Variants in MSH3 observed in about 807,000 individuals in gnomAD.
MSH3 encodes the protein mutS homolog 3.
MSH3 carries 106 observed loss-of-function variants against 123.3 expected under a neutral mutation model. That is an observed-to-expected ratio of 0.86 (90% CI 0.73 to 1.01). The LOEUF (loss-of-function observed/expected upper bound fraction) is 1.01, where lower values mean the gene tolerates loss of function less well. Among genes scored for constraint, MSH3 ranks in the 50% least tolerant of loss-of-function variants. MSH3 has a pLI of 0.00. For synonymous variants in MSH3, 515 were observed against 481.4 expected (o/e 1.07, Z -0.91); for missense variants, 1,459 against 1,347.6 (o/e 1.08, Z -1.29).
At chr5:80,829,120 C>T (rs1005718437) in intron 20 of MSH3, among the ~76,000 whole-genome samples, 8 of 152,222 alleles carry the variant, frequency 5.3e-5, no homozygotes, top group African/African-American at 1.9e-4. Context: ...GCCCTCATCA[C>T]CCAATCACCT....
At chr5:80,778,605 C>A in intron 16 of MSH3, 115 bp from the exon 17 acceptor site, 1 of 744,426 alleles carries the variant, frequency 1.3e-6, no homozygotes. Flanking sequence ...CTGTTTACAG[C>A]TGTTTACTTT....
intron 2 of MSH3, among the ~76,000 whole-genome samples, chr5:80,658,033 C>CT (rs1749330161): frequency 2.1e-5 from 1 of 47,500 alleles, no homozygotes; most frequent in Admixed American, 2.0e-4. Flanking sequence ...ATGCTTTTTG[C>CT]CCTCTTTTTT....
chr5:80,830,234 G>A (rs1209715088), intron 20 of MSH3, among the ~76,000 whole-genome samples: 1 of 151,868 alleles, frequency 6.6e-6, no homozygotes, highest in African/African-American at 2.4e-5. Context: ...ACTGATTTCT[G>A]CTGTAATCTC....
chr5:80,809,279 C>T (rs1201797753), intron 19 of MSH3, among the ~76,000 whole-genome samples: 1 of 152,096 alleles, frequency 6.6e-6, no homozygotes, highest in Non-Finnish European at 1.5e-5. Context: ...AATGGAACCT[C>T]AGTCTTCTAA....
intron 22 of MSH3, among the ~76,000 whole-genome samples, chr5:80,866,442 T>A (rs1746099834): frequency 6.6e-6 from 1 of 152,214 alleles, no homozygotes; most frequent in African/African-American, 2.4e-5. Context: ...CCTAGCTGAT[T>A]TTAATTTTTA....
At chr5:80,788,367 G>A (rs1333536116) in intron 18 of MSH3, among the ~76,000 whole-genome samples, 1 of 152,148 alleles carries the variant, frequency 6.6e-6, no homozygotes, top group East Asian at 1.9e-4. Flanking sequence ...AACCCAGGAG[G>A]TGGAGGTTGC....
chr5:80,806,005 T>A (rs757949526), intron 19 of MSH3, among the ~76,000 whole-genome samples: 7 of 152,232 alleles, frequency 4.6e-5, no homozygotes, highest in Non-Finnish European at 1.0e-4. Context: ...TTTCAATCCC[T>A]GAGGTCTTAA....
At chr5:80,789,099 A>G (rs1019296675) in intron 18 of MSH3, among the ~76,000 whole-genome samples, 1 of 152,200 alleles carries the variant, frequency 6.6e-6, no homozygotes, top group African/African-American at 2.4e-5. Flanking sequence ...ATTTTGTTCC[A>G]AAGTGAAAAT....
chr5:80,755,790 A>G (rs1417042715), intron 12 of MSH3, among the ~76,000 whole-genome samples: 2 of 152,282 alleles, frequency 1.3e-5, no homozygotes, highest in East Asian at 1.9e-4. Flanking sequence ...TCTTGGGTCC[A>G]TTTAAGTTAG....
At chr5:80,698,793 G>C (rs1334488455) in intron 8 of MSH3, among the ~76,000 whole-genome samples, 1 of 151,092 alleles carries the variant, frequency 6.6e-6, no homozygotes, top group Non-Finnish European at 1.5e-5. Flanking sequence ...CACACACCGG[G>C]GGGCCTGTTG....
intron 2 of MSH3, among the ~76,000 whole-genome samples, chr5:80,661,039 T>C (rs1057261376): frequency 9.9e-5 from 15 of 152,236 alleles, no homozygotes; most frequent in African/African-American, 3.6e-4. Flanking sequence ...CCTCGTGATC[T>C]ACCCGCCTCG....
At chr5:80,694,986 G>T (rs913381657) in intron 8 of MSH3, among the ~76,000 whole-genome samples, 1 of 148,968 alleles carries the variant, frequency 6.7e-6, no homozygotes, top group Non-Finnish European at 1.5e-5. Context: ...GGTTCACTCA[G>T]CTTCTTGAAT....
At chr5:80,774,336 T>C (rs1025115288) in intron 15 of MSH3, among the ~76,000 whole-genome samples, 2 of 151,946 alleles carry the variant, frequency 1.3e-5, no homozygotes, top group African/African-American at 4.8e-5. Context: ...AAGGGAACTC[T>C]TGTACACTGT....
At chr5:80,662,840 A>AATT (rs34563417) in intron 2 of MSH3, among the ~76,000 whole-genome samples, 206 of 149,532 alleles carry the variant, frequency 1.4e-3, no homozygotes, top group Middle Eastern at 3.4e-3. Flanking sequence ...AAAAAAAAAA[A>AATT]TTTTATTTGG....
intron 4 of MSH3, among the ~76,000 whole-genome samples, chr5:80,670,851 G>A (rs557943003): frequency 6.6e-6 from 1 of 152,206 alleles, no homozygotes; most frequent in East Asian, 1.9e-4. Flanking sequence ...CAGGTGTGGT[G>A]GCTCATGCTT....
At chr5:80,804,651 G>T (rs955773857) in intron 19 of MSH3, among the ~76,000 whole-genome samples, 5 of 152,208 alleles carry the variant, frequency 3.3e-5, no homozygotes, top group Non-Finnish European at 7.3e-5. Context: ...TCTCTGCTGA[G>T]CCACCTAGAG....
chr5:80,834,232 C>T (rs1745469672), intron 20 of MSH3, among the ~76,000 whole-genome samples: 1 of 152,064 alleles, frequency 6.6e-6, no homozygotes. Context: ...GGGTGTGAGT[C>T]CCACAGAGCC....
At chr5:80,867,682 A>G (rs956779072) in intron 22 of MSH3, among the ~76,000 whole-genome samples, 4 of 152,170 alleles carry the variant, frequency 2.6e-5, no homozygotes, top group African/African-American at 9.6e-5. Context: ...GAGATTTTTC[A>G]TGAATGAAAA....
At chr5:80,671,116 C>CT (rs1045697580) in intron 4 of MSH3, among the ~76,000 whole-genome samples, 3 of 90,564 alleles carry the variant, frequency 3.3e-5, no homozygotes, top group African/African-American at 5.9e-5. Context: ...CAGCAAGACT[C>CT]TGTCTCAAAA....
Sources: gnomAD v4.1 joint callset for allele counts (sites outside exome capture counted in the v4.1 genomes callset) on GRCh38, gnomAD v4.1.1 for gene constraint, MANE v1.5 for transcripts, NCBI Gene and HGNC (gene_info 2026-07-23, HGNC 2026-07-21) for gene names.